The following MARK1 variants were observed in gnomAD, a reference collection of about 807,000 sequenced individuals.
The protein encoded by MARK1 is microtubule affinity regulating kinase 1, also known as serine/threonine-protein kinase MARK1.
A neutral mutation model predicts 96.3 loss-of-function variants in MARK1; 40 were observed. The ratio of observed to expected loss-of-function variants is 0.42; its 90% CI spans 0.32 to 0.54. The LOEUF (loss-of-function observed/expected upper bound fraction) is 0.54. Among genes scored for constraint, MARK1 ranks in the 20% least tolerant of loss-of-function variants. The pLI, the probability that MARK1 is intolerant of heterozygous loss-of-function variation, is 0.16. For missense variants in MARK1, 719 were observed against 984.6 expected, an observed-to-expected ratio of 0.73 and a Z score of 3.61; for synonymous variants, 317 against 341.2, an observed-to-expected ratio of 0.93 and a Z score of 0.78.
intron 1 of MARK1, among the ~76,000 whole-genome samples, chr1:220,539,324 A>T (rs1250341422): frequency 6.6e-6 from 1 of 152,216 alleles, no homozygotes; most frequent in African/African-American, 2.4e-5. Context: ...CTATTGAGAT[A>T]ATCATGTGGT....
intron 1 of MARK1, among the ~76,000 whole-genome samples, chr1:220,544,445 T>G (rs114626191): frequency 0.011 from 1,696 of 152,316 alleles, 29 homozygotes; most frequent in African/African-American, 0.039. Context: ...TGCTTTTCTC[T>G]TTTGCACACT....
At position 220,654,429 on chromosome 1, in the gene MARK1, G is replaced by A. The variant is rs896968148; in HGVS notation, c.1988+1077G>A. ...TTGCCTTGTCATGGAGCTATTTATA[G>A]GCTTGGTTCATACATCAGTTTGCCC... On this transcript the variant is annotated intron_variant, in intron 16 of 17. Transcript: ENST00000366917. The surrounding 1 kb of genome is among the most constrained non-coding windows in gnomAD (Gnocchi z 4.0). Among the ~76,000 whole-genome samples, 1 of 152,216 alleles carries A rather than the reference G, an allele frequency of 6.6e-6. No individual in the cohort carries two copies. The highest frequency in any genetic ancestry group is 1.5e-5 in the Non-Finnish European group (1 of 68,040).
chr1:220,528,932 C>T (rs1035848746), intron 1 of MARK1, 59 bp downstream of exon 1: 1 of 1,484,874 alleles, frequency 6.7e-7, no homozygotes, highest in Non-Finnish European at 9.0e-7. Context: ...CTGATCCCCA[C>T]TTCACCCGCG....
At chr1:220,570,171 C>A (rs1007945394) in intron 1 of MARK1, among the ~76,000 whole-genome samples, 7 of 151,962 alleles carry the variant, frequency 4.6e-5, no homozygotes, top group Non-Finnish European at 7.4e-5. Flanking sequence ...TGACACTGAA[C>A]CTGGCTTAGT....
At chr1:220,627,449 G>A (rs1374766054) in intron 9 of MARK1, 5 of 468,296 alleles carry the variant, frequency 1.1e-5, no homozygotes, top group African/African-American at 1.0e-4. Flanking sequence ...GTTGGCCTGA[G>A]CAGACCTCTC....
chr1:220,583,676 T>C (rs1385489730), intron 3 of MARK1, among the ~76,000 whole-genome samples: 1 of 150,358 alleles, frequency 6.7e-6, no homozygotes, highest in Non-Finnish European at 1.5e-5. Context: ...TGAGACAGAG[T>C]CTTGCTCTGT....
rs573872616 is a variant in MARK1 at position 220,580,351 on chromosome 1, G to A, written c.256-714G>A. On this transcript the variant is annotated intron_variant, in intron 2 of 17. Transcript: ENST00000366917. ...ATACAGAAATTAGCTGGGCTTGGTG[G>A]TGTGCAACTGTAGCTACTTGGGAGC... Among the ~76,000 whole-genome samples, 13 of 152,012 alleles carry A rather than the reference G, an allele frequency of 8.6e-5. No homozygotes were observed. In the East Asian group the frequency reaches 2.3e-3, roughly 27 times the overall value.
intron 3 of MARK1, among the ~76,000 whole-genome samples, chr1:220,597,938 T>C (rs1421953626): frequency 6.6e-6 from 1 of 152,170 alleles, no homozygotes; most frequent in Non-Finnish European, 1.5e-5. Flanking sequence ...GTCAAACCCC[T>C]AAGGAAGGTG....
intron 1 of MARK1, among the ~76,000 whole-genome samples, chr1:220,571,262 A>G (rs1032692336): frequency 6.6e-6 from 1 of 152,160 alleles, no homozygotes; most frequent in African/African-American, 2.4e-5. Flanking sequence ...AATGCATGTA[A>G]AAGACGTAGT....
At chr1:220,597,280 T>A (rs1665429820) in intron 3 of MARK1, among the ~76,000 whole-genome samples, 1 of 152,176 alleles carries the variant, frequency 6.6e-6, no homozygotes. Flanking sequence ...TTAATTTCTT[T>A]AGGAACTGCT....
intron 1 of MARK1, among the ~76,000 whole-genome samples, chr1:220,550,712 G>A (rs1661800490): frequency 6.6e-6 from 1 of 152,120 alleles, no homozygotes; most frequent in Admixed American, 6.5e-5. Context: ...TTAAAGTAAT[G>A]CTTGGTATTT....
At chr1:220,589,562 A>T (rs1664850679) in intron 3 of MARK1, among the ~76,000 whole-genome samples, 1 of 152,056 alleles carries the variant, frequency 6.6e-6, no homozygotes, top group Admixed American at 6.6e-5. Flanking sequence ...CAAGAAGGAA[A>T]CAAAGACCTC....
chr1:220,574,179 A>G (rs1477736092), intron 1 of MARK1, among the ~76,000 whole-genome samples: 1 of 152,184 alleles, frequency 6.6e-6, no homozygotes, highest in African/African-American at 2.4e-5. Context: ...GAATTTAATT[A>G]TCTTCTGAAC....
At position 220,632,266 on chromosome 1, in the gene MARK1, G is replaced by A; in HGVS notation, c.1075G>A (p.Asp359Asn). The change falls in exon 11 of 18, where the codon GAT becomes AAT. Residue 359 changes from aspartate (D) to asparagine (N), a missense_variant. Asp to Asn is a conservative substitution (Grantham distance 23). Transcript: ENST00000366917. The stretch of plus-strand genomic sequence containing the variant: ...TGATGCCTTAATAAATCAGAAGTAT[G>A]ATGAAGTTATGGCTACTTATATTCT... ...INDALINQKY[D>N]EVMATYILLG... is the part of the protein sequence containing the mutation. 6.4e-7 allele frequency: 1 copy of A among 1,569,498 alleles called. No homozygotes were observed.
chr1:220,560,689 A>G (rs1662609029), intron 1 of MARK1, among the ~76,000 whole-genome samples: 5 of 152,218 alleles, frequency 3.3e-5, no homozygotes, highest in African/African-American at 1.2e-4. Context: ...GACAGAATGG[A>G]CAAAGTAAGA....
intron 1 of MARK1, among the ~76,000 whole-genome samples, chr1:220,530,413 G>A (rs977578983): frequency 6.6e-6 from 1 of 152,032 alleles, no homozygotes; most frequent in Non-Finnish European, 1.5e-5. Flanking sequence ...TTTTCTAACA[G>A]GAACATTAAA....
intron 13 of MARK1, among the ~76,000 whole-genome samples, chr1:220,642,128 C>G (rs1235645613): frequency 6.6e-6 from 1 of 152,344 alleles, no homozygotes; most frequent in East Asian, 1.9e-4. Context: ...GGGAGCCAAG[C>G]AGCCTCACTC....
At position 220,589,108 on chromosome 1, in the gene MARK1, A is replaced by G. The variant is rs73093552; in HGVS notation, c.309+7990A>G. 3.7e-3 allele frequency among the ~76,000 whole-genome samples: 556 copies of G among 152,288 alleles called. 5 individuals carry two copies. The highest frequency in any genetic ancestry group is 0.013 in the African/African-American group (525 of 41,570). ...CTTTGTCAAGCTCCCAATGACCACA[A>G]TGTGCTCCTTCTGCCTCAAGATCAA... On this transcript the variant is annotated intron_variant, in intron 3 of 17. Coordinates refer to ENST00000366917, the MANE Select transcript of MARK1 (RefSeq NM_018650.5).
chr1:220,631,037 A>G lies in MARK1; in HGVS notation c.912A>G (p.Gln304=). 1 of 1,606,048 alleles carries G rather than the reference A, an allele frequency of 6.2e-7. No homozygotes were observed. Residue 304 remains glutamine (Q), a splice_region_variant and synonymous_variant, in exon 10 of 18, where the codon CAA becomes CAG. Coordinates refer to ENST00000366917, the MANE Select transcript of MARK1 (RefSeq NM_018650.5). Reference sequence around the variant, plus strand: ...ATAATGTAGAGTTTATTTCCTAGCAAATAATGAAAGATCGATGGATGAATG... The same window carrying G: ...ATAATGTAGAGTTTATTTCCTAGCAGATAATGAAAGATCGATGGATGAATG... The part of the protein sequence containing the change: ...LNPIKRGSLE[Q]IMKDRWMNVG...
Sources: allele counts gnomAD v4.1 joint callset (sites outside exome capture counted in the v4.1 genomes callset), GRCh38; gene constraint gnomAD v4.1.1; non-coding constraint Gnocchi (gnomAD v3.1); transcripts MANE v1.5; gene names NCBI Gene and HGNC (gene_info 2026-07-23, HGNC 2026-07-21).